Variants in STAT6 observed in about 807,000 individuals in gnomAD.
STAT6 encodes the protein STAT, interleukin4-induced.
In STAT6, 45 loss-of-function variants were observed where a neutral mutation model predicts 106.3. The ratio of observed to expected loss-of-function variants is 0.42; its 90% CI spans 0.33 to 0.54. The LOEUF is 0.54. Among genes scored for constraint, STAT6 ranks in the 20% least tolerant of loss-of-function variants. The pLI, the probability that STAT6 is intolerant of heterozygous loss-of-function variation, is 0.06. For synonymous variants in STAT6, 413 were observed against 413.6 expected, an observed-to-expected ratio of 1.00 and a Z score of 0.02; for missense variants, 797 against 1,062.2, an observed-to-expected ratio of 0.75 and a Z score of 3.47.
At position 57,098,776 on chromosome 12, in the gene STAT6, C is replaced by G. The variant is rs923967360; in HGVS notation, c.2066+16G>C. 4 of 1,611,710 alleles carry G rather than the reference C, an allele frequency of 2.5e-6. No individual in the cohort carries two copies. Among genetic ancestry groups the G allele is most frequent in the Non-Finnish European group, 3.4e-6 (4 of 1,178,270 alleles). On this transcript the variant is annotated intron_variant, in intron 18 of 21. Transcript: ENST00000300134. ...CTGCACAGACCACTCCCATTCCTGTCTTTCCAGCTCCTTACACCATATCTG... is the reference window on the plus strand; with the variant it reads ...CTGCACAGACCACTCCCATTCCTGTGTTTCCAGCTCCTTACACCATATCTG...
At chr12:57,103,090 G>A in intron 11 of STAT6, 169 bp from the exon 12 acceptor site, 1 of 521,966 alleles carries the variant, frequency 1.9e-6, no homozygotes, top group Middle Eastern at 5.3e-4. Context: ...CAGCCTTCAG[G>A]GCTCAAGTGA....
chr12:57,100,698 AAGAG>A (rs373780228), intron 13 of STAT6: 2 of 33,762 alleles, frequency 5.9e-5, no homozygotes, highest in South Asian at 2.3e-4. Flanking sequence ...GAAAGAAAGA[AAGAG>A]AAAGAAAGAA....
At position 57,099,775 on chromosome 12, in the gene STAT6, C is replaced by A. The variant is rs1186102674; in HGVS notation, c.1736G>T (p.Gly579Val). 2.5e-6 allele frequency: 4 copies of A among 1,613,224 alleles called. No individual in the cohort carries two copies. The highest frequency in any genetic ancestry group is 3.4e-6 in the Non-Finnish European group (4 of 1,179,790). ...GGITIAHVIR[G>V]QDGSPQIENI... The stretch of plus-strand genomic sequence containing the variant: ...GGCTGGGGTGGCCTCACCATCCTGG[C>A]CCCGGATGACATGGGCAATGGTGAT... Residue 579 changes from glycine (G) to valine (V), a missense_variant, in exon 15 of 22, where the codon GGC (glycine) becomes GTC (valine). This residue lies in a region of STAT6 where 222 missense variants were observed against 354.6 expected (regional missense o/e 0.63). Coordinates refer to ENST00000300134, the MANE Select transcript of STAT6 (RefSeq NM_003153.5). This position sits in a 1 kb window ranked among gnomAD's most constrained non-coding sequence, Gnocchi z 4.7.
At chr12:57,107,504 A>G in intron 3 of STAT6, 101 bp downstream of exon 3, 1 of 1,469,378 alleles carries the variant, frequency 6.8e-7, no homozygotes, top group Non-Finnish European at 9.3e-7. Flanking sequence ...CAGGAACACC[A>G]ATTTGCTTCC....
intron 7 of STAT6, 99 bp from the exon 8 acceptor site, chr12:57,105,698 G>A (rs1303925136): frequency 1.4e-6 from 2 of 1,475,486 alleles, no homozygotes; most frequent in Non-Finnish European, 1.8e-6. Flanking sequence ...TATCATGTGT[G>A]GAGAAGTGGG....
Position 57,104,663 on chromosome 12 carries a change from C to T in STAT6, c.1089+63G>A. 2.5e-6 allele frequency: 4 copies of T among 1,613,728 alleles called. No homozygotes were observed. In the South Asian group the frequency reaches 4.4e-5, roughly 18 times the overall value. On this transcript the variant is annotated intron_variant, in intron 10 of 21. Coordinates refer to ENST00000300134, the MANE Select transcript of STAT6 (RefSeq NM_003153.5). ...CTCCTCCTGGGCTTCCTGACATCCT[C>T]TCCAAGGAGAGTCCCACAGTCTCCT...
intron 13 of STAT6, among the ~76,000 whole-genome samples, 191 bp from the exon 14 acceptor site, chr12:57,100,281 C>G (rs952179761): frequency 6.6e-6 from 1 of 152,148 alleles, no homozygotes; most frequent in Non-Finnish European, 1.5e-5. Flanking sequence ...CAAGCCTTTC[C>G]ATATATTTAT....
At chr12:57,105,848 G>A in intron 7 of STAT6, 1 of 695,404 alleles carries the variant, frequency 1.4e-6, no homozygotes. Flanking sequence ...GACGGCTCTT[G>A]CACCCAGGAC....
chr12:57,104,009 G>A lies in STAT6; in HGVS notation c.1212+455C>T, dbSNP rs3024958. 5.4e-3 allele frequency: 921 copies of A among 169,018 alleles called. 11 individuals are homozygous for A. Among genetic ancestry groups the A allele is most frequent in the African/African-American group, 0.021 (883 of 41,912 alleles). The allele number at this position is 169,018 out of a possible 1,614,324, so 10.5% of individuals were successfully genotyped here. A position where few individuals can be genotyped will look rare whatever the true frequency, so the allele number is the denominator to read the frequency against. On this transcript the variant is annotated intron_variant, in intron 11 of 21. Coordinates refer to ENST00000300134, the MANE Select transcript of STAT6 (RefSeq NM_003153.5). ...TCTGAAGCTCAATCAGGGCCTCACC[G>A]TAGAGAAGTGGTTATTAGTCATCGC...
At position 57,096,552 on chromosome 12, in the gene STAT6, G is replaced by T; in HGVS notation, c.*20C>A. ...GGGTAGTAGAAGAGCTGTCTCTTTG[G>T]GTTCTCCCTCCAGCTGGGATCACCA... On this transcript the variant is annotated 3_prime_UTR_variant, in exon 22 of 22. Transcript: ENST00000300134. The T allele has an allele frequency of 6.4e-7, 1 of 1,556,920 alleles. No individual in the cohort carries two copies. Among genetic ancestry groups the T allele is most frequent in the Non-Finnish European group, 8.7e-7 (1 of 1,154,842 alleles).
At chr12:57,105,816 G>A in intron 7 of STAT6, 2 of 825,586 alleles carry the variant, frequency 2.4e-6, no homozygotes, top group East Asian at 2.8e-5. Context: ...ACCCCCTGTG[G>A]AAACCCAGCT....
Position 57,099,653 on chromosome 12 carries a change from G to A in STAT6, c.1744+114C>T, listed in dbSNP as rs1565682313. Reference sequence around the variant, plus strand: ...ACCACAGAAGGAAGAAGAGAAGCTGGAAGAACTTCCTGAAGATCAGGATCG... The same window carrying A: ...ACCACAGAAGGAAGAAGAGAAGCTGAAAGAACTTCCTGAAGATCAGGATCG... On this transcript the variant is annotated intron_variant, in intron 15 of 21. Transcript: ENST00000300134. This position sits in a 1 kb window ranked among gnomAD's most constrained non-coding sequence, Gnocchi z 4.7. 1 of 1,491,388 alleles carries A rather than the reference G, an allele frequency of 6.7e-7. No individual in the cohort carries two copies. The highest frequency in any genetic ancestry group is 9.1e-7 in the Non-Finnish European group (1 of 1,100,776). The allele number at this position is 1,491,388 out of a possible 1,614,324, so 92.4% of individuals were successfully genotyped here.
At chr12:57,107,801 C>G in intron 2 of STAT6, 58 bp from the exon 3 acceptor site, 1 of 1,605,164 alleles carries the variant, frequency 6.2e-7, no homozygotes, top group Non-Finnish European at 8.5e-7. Context: ...CTCTCCTGAC[C>G]CTTTACCCCA....
intron 1 of STAT6, among the ~76,000 whole-genome samples, chr12:57,109,639 GT>G (rs915269010): frequency 1.3e-5 from 2 of 152,134 alleles, no homozygotes; most frequent in Non-Finnish European, 2.9e-5. Flanking sequence ...AAAAAGGCGG[GT>G]TTAGTAAGCT....
chr12:57,100,698 A>AAGAGAGAG (rs373780228), intron 13 of STAT6: 2 of 33,762 alleles, frequency 5.9e-5, no homozygotes, highest in African/African-American at 1.7e-4. Context: ...GAAAGAAAGA[A>AAGAGAGAG]AGAGAAAGAA....
At chr12:57,110,017 C>T (rs1174117619) in intron 1 of STAT6, 1 of 152,322 alleles carries the variant, frequency 6.6e-6, no homozygotes, top group Non-Finnish European at 1.5e-5. Flanking sequence ...ACCTTCATGC[C>T]CCTCTTTCCT....
At chr12:57,107,476 C>T (rs2034347166) in intron 3 of STAT6, 129 bp downstream of exon 3, 2 of 1,363,936 alleles carry the variant, frequency 1.5e-6, no homozygotes, top group Non-Finnish European at 2.0e-6. Flanking sequence ...AATTTGCCTG[C>T]TAGCTAGCAG....
intron 1 of STAT6, chr12:57,110,389 A>T (rs1369307473): frequency 6.6e-6 from 1 of 152,128 alleles, no homozygotes; most frequent in Non-Finnish European, 1.5e-5. Context: ...TACCTCCCAA[A>T]CTCAGAAGGG....
In STAT6 at chr12:57,105,517, C is replaced by G; in HGVS notation, c.763G>C (p.Ala255Pro). 1 of 1,614,094 alleles carries G rather than the reference C, an allele frequency of 6.2e-7. No individual in the cohort carries two copies. The highest frequency in any genetic ancestry group is 8.5e-7 in the Non-Finnish European group (1 of 1,179,980). ...TCATCCAGCCGGCCAGTCAGCGATG[C>G]CCGGGTCTTGGGCTCAAGCTCCCCA... ...AGGELEPKTR[A>P]SLTGRLDEVL... The change falls in exon 8 of 22, where the codon GCA becomes CCA. Residue 255 changes from alanine (A) to proline (P), a missense_variant. Transcript: ENST00000300134.
Sources: gnomAD v4.1 joint callset for allele counts (sites outside exome capture counted in the v4.1 genomes callset) on GRCh38, gnomAD v4.1.1 for gene constraint, gnomAD v4.1.1 regional missense constraint, Gnocchi (gnomAD v3.1) non-coding constraint, MANE v1.5 for transcripts, NCBI Gene and HGNC (gene_info 2026-07-23, HGNC 2026-07-21) for gene names.